The following MTFR1 variants were observed in gnomAD, a reference collection of about 807,000 sequenced individuals.
MTFR1 encodes mitochondrial fission regulator 1.
A neutral mutation model predicts 38.8 loss-of-function variants in MTFR1; 28 were observed. That is an observed-to-expected ratio of 0.72 (90% CI 0.53 to 0.99). MTFR1 has a LOEUF of 0.99. MTFR1 is among the 50% of genes least tolerant of loss of function. The pLI, the probability that MTFR1 is intolerant of heterozygous loss-of-function variation, is 0.00. For missense variants in MTFR1, 358 were observed against 395.5 expected, an observed-to-expected ratio of 0.91 and a Z score of 0.81; for synonymous variants, 145 against 137.0, an observed-to-expected ratio of 1.06 and a Z score of -0.41.
downstream of MTFR1, chr8:65,714,505 A>C (rs1806055077): frequency 6.6e-6 from 1 of 152,022 alleles, no homozygotes; most frequent in Non-Finnish European, 1.5e-5. Context: ...CAGATGACAC[A>C]AGTCATTATT....
At chr8:65,732,470 G>A (rs754943447) in intron 3 of MTFR1, among the ~76,000 whole-genome samples, 1 of 152,178 alleles carries the variant, frequency 6.6e-6, no homozygotes, top group Non-Finnish European at 1.5e-5. Context: ...AGTATAAAAC[G>A]TGATGCTGTG....
chr8:65,670,630 T>C (rs1331192688), intron 2 of MTFR1, among the ~76,000 whole-genome samples: 1 of 152,198 alleles, frequency 6.6e-6, no homozygotes, highest in Non-Finnish European at 1.5e-5. Context: ...AATTCATTTT[T>C]TTTCATGGCT....
chr8:65,734,891 A>G (rs1807059147), intron 3 of MTFR1: 1 of 1,593,156 alleles, frequency 6.3e-7, no homozygotes, highest in African/African-American at 1.3e-5. Context: ...TTCTTGAATC[A>G]TAACTGCATC....
chr8:65,700,426 G>C (rs977166635), intron 4 of MTFR1, among the ~76,000 whole-genome samples: 3 of 150,948 alleles, frequency 2.0e-5, no homozygotes, highest in Non-Finnish European at 4.4e-5. Flanking sequence ...ATTCTACTTT[G>C]AGAAGAGAAT....
rs188928198 is a variant in MTFR1, at chr8:65,705,690, C to G, written c.517+761C>G. 3.9e-5 allele frequency among the ~76,000 whole-genome samples: 6 copies of G among 152,262 alleles called. No homozygotes were observed. In the East Asian group the frequency reaches 1.2e-3, roughly 29 times the overall value. ...ATGCAAGCACTTGACATCTCACCTG[C>G]CTTTACTGCTCTAAAATGGGGATAA... On this transcript the variant is annotated intron_variant, in intron 5 of 7. Coordinates refer to ENST00000262146, the MANE Select transcript of MTFR1 (RefSeq NM_014637.4).
Position 65,682,344 on chromosome 8 carries a change from C to G in MTFR1, c.67-9C>G. On this transcript the variant is annotated splice_polypyrimidine_tract_variant and intron_variant, in intron 2 of 7. Coordinates refer to ENST00000262146, the MANE Select transcript of MTFR1 (RefSeq NM_014637.4). Reference sequence around the variant, plus strand: ...GTAATTAAGCTTTCGGTTTTTCCTACTTCCTCAGGTACTTTGGTCTAGGAA... The same window carrying G: ...GTAATTAAGCTTTCGGTTTTTCCTAGTTCCTCAGGTACTTTGGTCTAGGAA... The G allele has an allele frequency of 6.7e-7, 1 of 1,494,986 alleles. No individual in the cohort carries two copies. 92.6% of individuals were successfully genotyped at this position (1,494,986 alleles called of 1,614,324 possible).
At chr8:65,686,734 C>A (rs1026461833) in intron 3 of MTFR1, among the ~76,000 whole-genome samples, 6 of 151,956 alleles carry the variant, frequency 3.9e-5, no homozygotes, top group African/African-American at 1.5e-4. Flanking sequence ...ACCAGCTCGG[C>A]CACTGTGGTG....
intron 1 of MTFR1, among the ~76,000 whole-genome samples, chr8:65,655,364 T>G (rs548338735): frequency 3.9e-5 from 6 of 152,312 alleles, no homozygotes; most frequent in Non-Finnish European, 7.3e-5. Context: ...CTTACTAGTT[T>G]TTGTTTTTGT....
intron 3 of MTFR1, among the ~76,000 whole-genome samples, chr8:65,729,380 T>C (rs112953835): frequency 6.7e-6 from 1 of 150,150 alleles, no homozygotes; most frequent in African/African-American, 2.4e-5. Context: ...TTTTTTTTTT[T>C]TTTTTTTGGC....
At chr8:65,724,319 T>A in intron 3 of MTFR1, 1 of 1,612,904 alleles carries the variant, frequency 6.2e-7, no homozygotes, top group Non-Finnish European at 8.5e-7. Flanking sequence ...ACGTCCGACA[T>A]GGGTTACAAA....
chr8:65,661,516 A>G (rs1809413660), intron 1 of MTFR1, among the ~76,000 whole-genome samples: 1 of 152,006 alleles, frequency 6.6e-6, no homozygotes, highest in African/African-American at 2.4e-5. Flanking sequence ...GCATGCCTGT[A>G]ATACCAGCTA....
intron 2 of MTFR1, among the ~76,000 whole-genome samples, chr8:65,680,107 C>T (rs149295936): frequency 3.1e-4 from 44 of 143,098 alleles, no homozygotes; most frequent in African/African-American, 1.0e-3. Flanking sequence ...AAAGCTATGG[C>T]AGGTGCCAGG....
chr8:65,739,270 G>C (rs67724994), intron 3 of MTFR1, among the ~76,000 whole-genome samples: 16,693 of 152,190 alleles, frequency 0.11, 1,133 homozygotes, highest in Middle Eastern at 0.17. Context: ...CCAACATGCA[G>C]CCCACCTGTT....
At chr8:65,739,696 A>C in intron 3 of MTFR1, 1 of 1,198,250 alleles carries the variant, frequency 8.3e-7, no homozygotes, top group Non-Finnish European at 1.1e-6. Flanking sequence ...ACATGGAAAG[A>C]GTAATAATTC....
chr8:65,688,687 G>A (rs1334520410), intron 3 of MTFR1, among the ~76,000 whole-genome samples: 5 of 150,856 alleles, frequency 3.3e-5, no homozygotes, highest in South Asian at 2.1e-4. Context: ...CTCGTGATCC[G>A]CCCGCCTTCA....
intron 3 of MTFR1, among the ~76,000 whole-genome samples, chr8:65,747,432 A>G (rs867916920): frequency 2.0e-5 from 3 of 152,232 alleles, no homozygotes; most frequent in Non-Finnish European, 4.4e-5. Context: ...ATAATAAATG[A>G]AAACATTGTC....
At position 65,663,799 on chromosome 8, in the gene MTFR1, CCTT is replaced by C. The variant is rs1205269657; in HGVS notation, c.-80-6070_-80-6068del. Among the ~76,000 whole-genome samples, 19 of 134,582 alleles carry C rather than the reference CCTT, an allele frequency of 1.4e-4. No individual in the cohort carries two copies. The Admixed American group carries it at 1.4e-3, about 10-fold the overall frequency. 88.3% of individuals were successfully genotyped at this position (134,582 alleles called of 152,430 possible). On this transcript the variant is annotated intron_variant, in intron 1 of 7. Coordinates refer to ENST00000262146, the MANE Select transcript of MTFR1 (RefSeq NM_014637.4). Reference sequence around the variant, plus strand: ...CTCCCCTCCCTTCCCTTCTCTTCTTCCTTCTTTTTTTTAATTTCTTTTCTTTTT... The same window carrying C: ...CTCCCCTCCCTTCCCTTCTCTTCTTCCTTTTTTTTAATTTCTTTTCTTTTT...
At chr8:65,737,760 C>G (rs1273094560) in intron 3 of MTFR1, among the ~76,000 whole-genome samples, 2 of 152,252 alleles carry the variant, frequency 1.3e-5, no homozygotes, top group East Asian at 1.9e-4. Context: ...CTCAAGTGAT[C>G]CACCTGCCTC....
intron 3 of MTFR1, chr8:65,724,907 G>T: frequency 6.3e-7 from 1 of 1,595,458 alleles, no homozygotes; most frequent in Non-Finnish European, 8.5e-7. Flanking sequence ...ACCTATCTGT[G>T]TCTCCATTTG....
Sources: gnomAD v4.1 joint callset for allele counts (sites outside exome capture counted in the v4.1 genomes callset) on GRCh38, gnomAD v4.1.1 for gene constraint, MANE v1.5 for transcripts, NCBI Gene and HGNC (gene_info 2026-07-23, HGNC 2026-07-21) for gene names.